NDC1: variants seen among roughly 807,000 people sequenced by gnomAD.
NDC1 encodes the protein nucleoporin NDC1.
Under a neutral mutation model 89.8 loss-of-function variants are expected in NDC1, and 24 were observed. The observed-to-expected ratio is 0.27, with a 90% CI of 0.19 to 0.38. The LOEUF (loss-of-function observed/expected upper bound fraction) is 0.38. Among genes scored for constraint, NDC1 ranks in the 10% least tolerant of loss-of-function variants. The probability of loss-of-function intolerance (pLI) is 1.00; values close to 1 mark genes in which losing one functional copy is unlikely to be tolerated. For synonymous variants in NDC1, 296 were observed against 284.8 expected (o/e 1.04, Z -0.39); for missense variants, 728 against 797.6 (o/e 0.91, Z 1.05).
chr1:53,804,081 A>C, intron 9 of NDC1, 72 bp from the exon 10 acceptor site: 4 of 999,738 alleles, frequency 4.0e-6, no homozygotes, highest in Non-Finnish European at 6.2e-6. Flanking sequence ...AATTGGGTTC[A>C]TCATTATATA....
At chr1:53,784,224 T>TACACACACAC (rs66868896) in intron 16 of NDC1, among the ~76,000 whole-genome samples, 17 of 149,388 alleles carry the variant, frequency 1.1e-4, no homozygotes, top group South Asian at 2.1e-4. Flanking sequence ...TTCTGTTATC[T>TACACACACAC]ACACACACAC....
chr1:53,818,430 C>CAA (rs34211832), intron 6 of NDC1, among the ~76,000 whole-genome samples: 15 of 132,746 alleles, frequency 1.1e-4, no homozygotes, highest in African/African-American at 1.7e-4. Context: ...GACAGATCAT[C>CAA]AAAAAAAAAA....
chr1:53,768,402 T>C (rs1386442526), intron 17 of NDC1, among the ~76,000 whole-genome samples: 7 of 152,202 alleles, frequency 4.6e-5, no homozygotes, highest in African/African-American at 1.4e-4. Context: ...TTGTGGAGTA[T>C]CTGAATTGCC....
At chr1:53,785,220 C>T (rs1401843830) in intron 16 of NDC1, among the ~76,000 whole-genome samples, 1 of 152,190 alleles carries the variant, frequency 6.6e-6, no homozygotes, top group Non-Finnish European at 1.5e-5. Context: ...AGACTATAAA[C>T]ACTGTACCAT....
intron 10 of NDC1, 57 bp from the exon 11 acceptor site, chr1:53,800,905 A>C: frequency 6.7e-7 from 1 of 1,482,916 alleles, no homozygotes; most frequent in Non-Finnish European, 9.0e-7. Context: ...TCCCCTCTTG[A>C]AGTGGGGGAA....
chr1:53,792,077 G>T (rs1028878569), intron 14 of NDC1, among the ~76,000 whole-genome samples: 1 of 151,830 alleles, frequency 6.6e-6, no homozygotes, highest in African/African-American at 2.4e-5. Flanking sequence ...CGAGTAGCTG[G>T]GACCACAGGC....
intron 9 of NDC1, 121 bp from the exon 10 acceptor site, chr1:53,804,130 A>G (rs1314202645): frequency 1.4e-6 from 1 of 727,606 alleles, no homozygotes; most frequent in Non-Finnish European, 2.3e-6. Flanking sequence ...ATGAAAAAAA[A>G]AATCTCAGAA....
chr1:53,781,173 A>G (rs1647203978), intron 16 of NDC1, among the ~76,000 whole-genome samples: 1 of 152,174 alleles, frequency 6.6e-6, no homozygotes, highest in Non-Finnish European at 1.5e-5. Context: ...TTTTAATTAT[A>G]AAATATATCA....
chr1:53,830,368 T>G (rs1649015592), intron 3 of NDC1, among the ~76,000 whole-genome samples: 1 of 148,850 alleles, frequency 6.7e-6, no homozygotes, highest in Non-Finnish European at 1.5e-5. Context: ...GCAGGAGAAT[T>G]GCTTGCACCT....
chr1:53,782,358 G>A (rs1053797787), intron 16 of NDC1, among the ~76,000 whole-genome samples: 4 of 152,218 alleles, frequency 2.6e-5, no homozygotes, highest in African/African-American at 9.6e-5. Flanking sequence ...GGAAGGATCA[G>A]CAAGAGAATG....
chr1:53,826,231 A>T (rs1331054539), intron 4 of NDC1, among the ~76,000 whole-genome samples: 1 of 152,238 alleles, frequency 6.6e-6, no homozygotes, highest in Non-Finnish European at 1.5e-5. Context: ...CTGGGCTGAC[A>T]GCAACTGTAA....
chr1:53,813,597 A>G (rs893365890), intron 6 of NDC1, among the ~76,000 whole-genome samples: 1 of 152,190 alleles, frequency 6.6e-6, no homozygotes, highest in African/African-American at 2.4e-5. Context: ...CTAAACATAT[A>G]TGCATCTAAC....
chr1:53,833,302 G>GAT (rs1469767040), intron 2 of NDC1, among the ~76,000 whole-genome samples: 2 of 152,044 alleles, frequency 1.3e-5, no homozygotes, highest in Non-Finnish European at 1.5e-5. Context: ...TGGGATTACA[G>GAT]ATGCCCGCCA....
chr1:53,831,001 C>T (rs2100694749), intron 3 of NDC1, among the ~76,000 whole-genome samples: 2 of 152,232 alleles, frequency 1.3e-5, no homozygotes, highest in Non-Finnish European at 2.9e-5. Context: ...GCAGGCCGAT[C>T]ACGAGGTGAG....
chr1:53,787,890 G>A (rs2100639183), intron 15 of NDC1, among the ~76,000 whole-genome samples: 1 of 148,332 alleles, frequency 6.7e-6, no homozygotes, highest in South Asian at 2.1e-4. Context: ...AAAACATGTG[G>A]TAAGGGCATA....
intron 4 of NDC1, among the ~76,000 whole-genome samples, chr1:53,827,617 C>T (rs1570236106): frequency 6.6e-6 from 1 of 152,186 alleles, no homozygotes; most frequent in South Asian, 2.1e-4. Flanking sequence ...CAAACTCCAA[C>T]CAAATGCTAC....
chr1:53,779,757 T>C (rs529858244), intron 16 of NDC1, among the ~76,000 whole-genome samples: 3 of 152,312 alleles, frequency 2.0e-5, no homozygotes, highest in Non-Finnish European at 4.4e-5. Context: ...TCTTTTAACC[T>C]CACAGGGTTT....
intron 16 of NDC1, among the ~76,000 whole-genome samples, chr1:53,772,763 A>T (rs1022611508): frequency 1.3e-5 from 2 of 152,116 alleles, no homozygotes; most frequent in Non-Finnish European, 2.9e-5. Context: ...AAAATAAAAT[A>T]AAAAATTAAA....
At chr1:53,809,054 G>A (rs186697951) in intron 7 of NDC1, among the ~76,000 whole-genome samples, 5 of 152,276 alleles carry the variant, frequency 3.3e-5, no homozygotes, top group East Asian at 1.9e-4. Flanking sequence ...ATATACAACC[G>A]TGCTGTCACT....
Sources: allele counts gnomAD v4.1 joint callset (sites outside exome capture counted in the v4.1 genomes callset), GRCh38; gene constraint gnomAD v4.1.1; transcripts MANE v1.5; gene names NCBI Gene and HGNC (gene_info 2026-07-23, HGNC 2026-07-21).